Variants in TUBGCP5 observed in about 807,000 individuals in gnomAD.
The protein encoded by TUBGCP5 is gamma-tubulin complex component 5.
A neutral mutation model predicts 134.7 loss-of-function variants in TUBGCP5; 98 were observed. The observed-to-expected ratio is 0.73, with a 90% CI of 0.62 to 0.86. The LOEUF is 0.86. Ranked by LOEUF, TUBGCP5 falls within the 40% of genes least tolerant of loss-of-function variation. The pLI, the probability that TUBGCP5 is intolerant of heterozygous loss-of-function variation, is 0.00. For synonymous variants in TUBGCP5, 456 were observed against 431.4 expected, an observed-to-expected ratio of 1.06 and a Z score of -0.71; for missense variants, 1,150 against 1,244.8, an observed-to-expected ratio of 0.92 and a Z score of 1.15.
At chr15:22,994,972 A>T (rs1391997196), downstream of TUBGCP5, among the ~76,000 whole-genome samples, 2 of 152,012 alleles carry the variant, frequency 1.3e-5, no homozygotes, top group Non-Finnish European at 2.9e-5. Flanking sequence ...GGCCGGGGGC[A>T]GTGGCTCATG....
chr15:23,022,314 C>T (rs1265641906), intron 10 of TUBGCP5, among the ~76,000 whole-genome samples, 153 bp from the exon 11 acceptor site: 3 of 152,002 alleles, frequency 2.0e-5, no homozygotes, highest in African/African-American at 7.2e-5. Flanking sequence ...CCTAATTTCC[C>T]TAAGGAAGAA....
chr15:22,998,358 T>C (rs1234060537), downstream of TUBGCP5, among the ~76,000 whole-genome samples: 1 of 151,406 alleles, frequency 6.6e-6, no homozygotes, highest in Non-Finnish European at 1.5e-5. Flanking sequence ...TACCAACAGT[T>C]GGCCCTAAGT....
chr15:23,025,526 T>C (rs989879739), intron 8 of TUBGCP5, among the ~76,000 whole-genome samples: 4 of 152,128 alleles, frequency 2.6e-5, no homozygotes, highest in Non-Finnish European at 5.9e-5. Context: ...ATTGATATAC[T>C]CCACCTATTA....
intron 13 of TUBGCP5, among the ~76,000 whole-genome samples, chr15:23,011,788 G>C (rs1432136034): frequency 1.3e-5 from 2 of 149,166 alleles, no homozygotes; most frequent in Non-Finnish European, 3.0e-5. Flanking sequence ...TGGGATTACA[G>C]GCGTGAGCCA....
chr15:22,988,080 C>T lies in TUBGCP5; in HGVS notation c.*62-4469G>A, dbSNP rs1032463473. On this transcript the variant is annotated intron_variant and NMD_transcript_variant, in intron 23 of 23. Coordinates refer to the TUBGCP5 transcript ENST00000614508. ...CAGAACTATGAGTAATACATTTCTC[C>T]TGTTTATAGCCACCCAGTCTATGGT... 4.0e-5 allele frequency among the ~76,000 whole-genome samples: 6 copies of T among 151,668 alleles called. 1 individual carries two copies. The highest frequency in any genetic ancestry group is 1.5e-4 in the African/African-American group (6 of 41,134).
At chr15:23,028,134 G>A (rs1169157368) in intron 6 of TUBGCP5, among the ~76,000 whole-genome samples, 1 of 151,970 alleles carries the variant, frequency 6.6e-6, no homozygotes, top group African/African-American at 2.4e-5. Flanking sequence ...CATTAAAAAA[G>A]AGCTAACCTG....
At position 23,008,688 on chromosome 15, in the gene TUBGCP5, C is replaced by A. The variant is rs1413737845; in HGVS notation, c.2327+11G>T. 3 of 1,604,624 alleles carry A rather than the reference C, an allele frequency of 1.9e-6. No individual in the cohort carries two copies. Among genetic ancestry groups the A allele is most frequent in the South Asian group, 2.3e-5 (2 of 88,846 alleles). ...ACACTAATTTAAATAAAGGTGGCGT[C>A]CATATTTTACCGTGAACTATCTTCA... On this transcript the variant is annotated intron_variant, in intron 16 of 22. Coordinates refer to ENST00000615383, the MANE Select transcript of TUBGCP5 (RefSeq NM_052903.6).
At chr15:23,035,907 T>C (rs1464122950) in intron 3 of TUBGCP5, among the ~76,000 whole-genome samples, 1 of 152,198 alleles carries the variant, frequency 6.6e-6, no homozygotes, top group Non-Finnish European at 1.5e-5. Context: ...CACAGAGCCC[T>C]ATGCCTGTAA....
intron 23 of TUBGCP5, among the ~76,000 whole-genome samples, chr15:22,986,931 A>G (rs1567073813): frequency 2.6e-5 from 4 of 152,160 alleles, no homozygotes. Context: ...CCAGAAAAGC[A>G]GAATCAGTAG....
At chr15:23,038,727 A>C (rs1595921501) in intron 1 of TUBGCP5, among the ~76,000 whole-genome samples, 1 of 152,214 alleles carries the variant, frequency 6.6e-6, no homozygotes, top group Non-Finnish European at 1.5e-5. Context: ...TAAAAGTATT[A>C]ATTTACATCT....
intron 20 of TUBGCP5, 43 bp downstream of exon 20, chr15:23,004,059 C>A: frequency 6.4e-7 from 1 of 1,559,418 alleles, no homozygotes; most frequent in African/African-American, 1.4e-5. Flanking sequence ...GACAGCGCCA[C>A]TCGCCCAGCA....
intron 16 of TUBGCP5, among the ~76,000 whole-genome samples, chr15:23,007,591 G>A (rs571162648): frequency 1.8e-4 from 28 of 152,174 alleles, no homozygotes; most frequent in South Asian, 2.1e-4. Context: ...GACCTCTGCC[G>A]GGCCCATGAA....
At chr15:23,005,190 T>C (rs1257209523) in intron 19 of TUBGCP5, among the ~76,000 whole-genome samples, 1 of 152,138 alleles carries the variant, frequency 6.6e-6, no homozygotes. Context: ...AGACGAGCTG[T>C]GGCTGTGCCT....
intron 11 of TUBGCP5, among the ~76,000 whole-genome samples, chr15:23,020,045 G>C (rs2065580105): frequency 6.6e-6 from 1 of 151,980 alleles, no homozygotes; most frequent in Non-Finnish European, 1.5e-5. Context: ...TTGGGAGGCT[G>C]AGGTGGGCAG....
At chr15:23,034,036 AGCTT>A in intron 3 of TUBGCP5, among the ~76,000 whole-genome samples, 1 of 152,310 alleles carries the variant, frequency 6.6e-6, no homozygotes, top group East Asian at 1.9e-4. Context: ...AGCCTTGGCC[AGCTT>A]GTGGTAACTG....
Position 23,013,192 on chromosome 15 carries a change from C to A in TUBGCP5, c.1757-1861G>T, listed in dbSNP as rs932935459. Among the ~76,000 whole-genome samples the A allele has an allele frequency of 6.6e-6, 1 of 152,056 alleles. No individual in the cohort carries two copies. The highest frequency in any genetic ancestry group is 2.4e-5 in the African/African-American group (1 of 41,466). Reference sequence around the variant, plus strand: ...TGGAGGCTGGGGGTGGTGACTCACACCTGTAATCCCAACACTTCAGGAGGC... The same window carrying A: ...TGGAGGCTGGGGGTGGTGACTCACAACTGTAATCCCAACACTTCAGGAGGC... On this transcript the variant is annotated intron_variant, in intron 13 of 22. Transcript: ENST00000615383. The surrounding 1 kb of genome is among the most constrained non-coding windows in gnomAD (Gnocchi z 4.5).
At chr15:22,989,465 C>G (rs1367717117) in intron 23 of TUBGCP5, among the ~76,000 whole-genome samples, 2 of 119,502 alleles carry the variant, frequency 1.7e-5, no homozygotes, top group Admixed American at 1.6e-4. Context: ...AAGACCACCA[C>G]AACCCACCCC....
rs1039024835 is a variant in TUBGCP5 at position 23,013,720 on chromosome 15, C to T, written c.1757-2389G>A. On this transcript the variant is annotated intron_variant, in intron 13 of 22. Transcript: ENST00000615383. This position sits in a 1 kb window ranked among gnomAD's most constrained non-coding sequence, Gnocchi z 4.5. Reference sequence around the variant, plus strand: ...GCTCTGAGCCCAGTTTGGAGAGCTGCTGGGAATTCACGCAGCTGCCTTGCC... The same window carrying T: ...GCTCTGAGCCCAGTTTGGAGAGCTGTTGGGAATTCACGCAGCTGCCTTGCC... 1.3e-5 allele frequency among the ~76,000 whole-genome samples: 2 copies of T among 152,194 alleles called. No individual in the cohort carries two copies. The highest frequency in any genetic ancestry group is 4.8e-5 in the African/African-American group (2 of 41,452).
intron 6 of TUBGCP5, among the ~76,000 whole-genome samples, chr15:23,029,216 T>G (rs2066154857): frequency 6.6e-6 from 1 of 152,172 alleles, no homozygotes; most frequent in South Asian, 2.1e-4. Flanking sequence ...AGCTGGATTA[T>G]TTTTTATTTA....
Sources: allele counts gnomAD v4.1 joint callset (sites outside exome capture counted in the v4.1 genomes callset), GRCh38; gene constraint gnomAD v4.1.1; non-coding constraint Gnocchi (gnomAD v3.1); transcripts MANE v1.5; gene names NCBI Gene and HGNC (gene_info 2026-07-23, HGNC 2026-07-21).